Variants in SORCS1 observed in about 807,000 individuals in gnomAD.
SORCS1 encodes the protein sortilin related VPS10 domain containing receptor 1.
In SORCS1, 60 loss-of-function variants were observed where a neutral mutation model predicts 146.1. The observed-to-expected ratio is 0.41, with a 90% CI of 0.33 to 0.51. The LOEUF (loss-of-function observed/expected upper bound fraction) is 0.51, where lower values mean the gene tolerates loss of function less well. Ranked by LOEUF, SORCS1 falls within the 20% of genes least tolerant of loss-of-function variation. The probability of loss-of-function intolerance (pLI) is 0.21; values close to 1 mark genes in which losing one functional copy is unlikely to be tolerated. For synonymous variants in SORCS1, 637 were observed against 584.0 expected, an observed-to-expected ratio of 1.09 and a Z score of -1.31; for missense variants, 1,352 against 1,487.6, an observed-to-expected ratio of 0.91 and a Z score of 1.50.
chr10:106,757,453 A>C (rs1465791234), intron 5 of SORCS1, among the ~76,000 whole-genome samples: 4 of 152,218 alleles, frequency 2.6e-5, no homozygotes, highest in Non-Finnish European at 5.9e-5. Context: ...CATAATTTGA[A>C]GTAACTGGTT....
At chr10:106,583,716 G>T (rs1195256792) in intron 24 of SORCS1, among the ~76,000 whole-genome samples, 2 of 151,788 alleles carry the variant, frequency 1.3e-5, no homozygotes, top group East Asian at 3.9e-4. Context: ...CACCATGTTG[G>T]CCAGGCTGGT....
At position 106,957,165 on chromosome 10, in the gene SORCS1, G is replaced by GTTTTT. The variant is rs374081494; in HGVS notation, c.559-590_559-586dup. On this transcript the variant is annotated intron_variant, in intron 1 of 25. Transcript: ENST00000263054. Reference sequence around the variant, plus strand: ...ATCTATTAGCATGTGGTTTTTTTTTGTTTTTTTTGTTTTTTTTTTTGGAGA... The same window carrying GTTTTT: ...ATCTATTAGCATGTGGTTTTTTTTTGTTTTTTTTTTTTTGTTTTTTTTTTTGGAGA... Among the ~76,000 whole-genome samples, 1,312 of 137,336 alleles carry GTTTTT rather than the reference G, an allele frequency of 9.6e-3. 16 individuals are homozygous for GTTTTT. The highest frequency in any genetic ancestry group is 0.021 in the Admixed American group (297 of 13,844). The allele number at this position is 137,336 out of a possible 152,430, so 90.1% of individuals were successfully genotyped here.
At chr10:106,962,564 C>T (rs1589801789) in intron 1 of SORCS1, among the ~76,000 whole-genome samples, 2 of 152,138 alleles carry the variant, frequency 1.3e-5, no homozygotes, top group African/African-American at 2.4e-5. Context: ...GATTAGAGTA[C>T]ACAATCCCAA....
chr10:107,042,429 A>C (rs1025719781), intron 1 of SORCS1, among the ~76,000 whole-genome samples: 1 of 152,180 alleles, frequency 6.6e-6, no homozygotes, highest in Non-Finnish European at 1.5e-5. Flanking sequence ...GCTGGTAAAT[A>C]AGTTTTCTCT....
intron 1 of SORCS1, among the ~76,000 whole-genome samples, chr10:107,135,792 A>C (rs1439081506): frequency 2.6e-5 from 4 of 152,242 alleles, no homozygotes; most frequent in African/African-American, 9.6e-5. Flanking sequence ...CCACAATACC[A>C]GACAGCCATT....
intron 6 of SORCS1, among the ~76,000 whole-genome samples, chr10:106,728,565 C>T (rs1162561570): frequency 6.6e-6 from 1 of 152,196 alleles, no homozygotes; most frequent in East Asian, 1.9e-4. Flanking sequence ...AATATATTCA[C>T]TCCCCCAAAA....
At chr10:106,896,048 T>G (rs1205041213) in intron 2 of SORCS1, among the ~76,000 whole-genome samples, 5 of 152,176 alleles carry the variant, frequency 3.3e-5, no homozygotes, top group Non-Finnish European at 5.9e-5. Flanking sequence ...GGCGACATTA[T>G]GCTAAGTGAA....
intron 2 of SORCS1, among the ~76,000 whole-genome samples, chr10:106,830,741 C>A (rs558958072): frequency 1.3e-5 from 2 of 151,962 alleles, no homozygotes; most frequent in Admixed American, 6.6e-5. Context: ...ATCAAAAATG[C>A]AAAAATTAGC....
chr10:106,853,471 T>C (rs915630574), intron 2 of SORCS1, among the ~76,000 whole-genome samples: 1 of 151,906 alleles, frequency 6.6e-6, no homozygotes, highest in Non-Finnish European at 1.5e-5. Context: ...ATTTATGCTC[T>C]AATTTTTTAT....
intron 2 of SORCS1, among the ~76,000 whole-genome samples, chr10:106,852,538 G>A (rs758346512): frequency 5.5e-5 from 8 of 145,074 alleles, no homozygotes; most frequent in Non-Finnish European, 1.2e-4. Context: ...TGAGGCAGGA[G>A]AATCACTTGA....
the SORCS1 span, among the ~76,000 whole-genome samples, chr10:107,178,501 T>TAG: frequency 6.7e-6 from 1 of 149,106 alleles, no homozygotes; most frequent in Non-Finnish European, 1.5e-5. Context: ...TATATATATA[T>TAG]ATTTTTTTTT....
At chr10:107,016,126 A>G (rs1468942111) in intron 1 of SORCS1, among the ~76,000 whole-genome samples, 4 of 152,246 alleles carry the variant, frequency 2.6e-5, no homozygotes, top group South Asian at 4.1e-4. Context: ...TAATAAATCT[A>G]TAAGACAGTA....
rs949189291 is a variant in SORCS1 at position 107,114,234 on chromosome 10, A to C, written c.558+49735T>G. On this transcript the variant is annotated intron_variant, in intron 1 of 25. Coordinates refer to ENST00000263054, the MANE Select transcript of SORCS1 (RefSeq NM_052918.5). The stretch of plus-strand genomic sequence containing the variant: ...ATGCCCATCCTTCTCAAAGTCTTTC[A>C]AAAAATTAAAGAGGAGAGGACATCT... Among the ~76,000 whole-genome samples the C allele has an allele frequency of 5.3e-5, 8 of 152,292 alleles. No individual in the cohort carries two copies. In the East Asian group the frequency reaches 1.5e-3, roughly 29 times the overall value.
chr10:106,833,942 C>T (rs1267652555), intron 2 of SORCS1, among the ~76,000 whole-genome samples: 9 of 152,120 alleles, frequency 5.9e-5, no homozygotes, highest in Admixed American at 2.0e-4. Flanking sequence ...TACAGGCGCC[C>T]GCCACCATGC....
chr10:106,955,973 C>A (rs907770933), intron 2 of SORCS1, among the ~76,000 whole-genome samples: 1 of 151,862 alleles, frequency 6.6e-6, no homozygotes, highest in East Asian at 1.9e-4. Context: ...ATCAAAAATA[C>A]AAAAAAATTA....
intron 9 of SORCS1, among the ~76,000 whole-genome samples, chr10:106,693,020 A>G (rs1399712127): frequency 6.6e-6 from 1 of 152,204 alleles, no homozygotes; most frequent in Non-Finnish European, 1.5e-5. Context: ...TATTAAACAT[A>G]TTGTTTAAAA....
chr10:106,725,712 C>T (rs1419512985), intron 6 of SORCS1, among the ~76,000 whole-genome samples: 1 of 151,838 alleles, frequency 6.6e-6, no homozygotes, highest in African/African-American at 2.4e-5. Context: ...AGGCGGATCA[C>T]TTGAGGTCAG....
chr10:106,599,849 G>A (rs1410554749), intron 23 of SORCS1, among the ~76,000 whole-genome samples: 1 of 151,490 alleles, frequency 6.6e-6, no homozygotes, highest in African/African-American at 2.4e-5. Flanking sequence ...TCGGCTCACT[G>A]CAACCTCCGC....
chr10:107,066,118 T>C (rs1011438297), intron 1 of SORCS1, among the ~76,000 whole-genome samples: 1 of 152,208 alleles, frequency 6.6e-6, no homozygotes, highest in Non-Finnish European at 1.5e-5. Flanking sequence ...TATGACTTTT[T>C]TTCAAGTGTT....
Sources: allele counts gnomAD v4.1 joint callset (sites outside exome capture counted in the v4.1 genomes callset), GRCh38; gene constraint gnomAD v4.1.1; transcripts MANE v1.5; gene names NCBI Gene and HGNC (gene_info 2026-07-23, HGNC 2026-07-21).